The following DDX10 variants were observed in gnomAD, a reference collection of about 807,000 sequenced individuals.
DDX10 encodes the protein DEAD-box helicase 10.
DDX10 carries 74 observed loss-of-function variants against 104.3 expected under a neutral mutation model. That is an observed-to-expected ratio of 0.71 (90% confidence interval 0.59 to 0.86). DDX10 has a LOEUF of 0.86. Among genes scored for constraint, DDX10 ranks in the 40% least tolerant of loss-of-function variants. The probability of loss-of-function intolerance (pLI) is 0.00; values close to 1 mark genes in which losing one functional copy is unlikely to be tolerated. For synonymous variants in DDX10, 351 were observed against 353.4 expected (o/e 0.99, Z 0.08); for missense variants, 952 against 1,040.0 (o/e 0.92, Z 1.16).
At chr11:108,936,386 A>G (rs1470229865) in intron 17 of DDX10, among the ~76,000 whole-genome samples, 1 of 152,110 alleles carries the variant, frequency 6.6e-6, no homozygotes, top group Non-Finnish European at 1.5e-5. Flanking sequence ...TATGCTTCTG[A>G]GCCTTGTGGA....
rs989230349 is a variant in DDX10, at chr11:108,834,423, CAG to C, written c.1966-4021_1966-4020del. On this transcript the variant is annotated intron_variant, in intron 13 of 17. Transcript: ENST00000322536. ...TTGTTTATAGGACTCTTTTTTGAGACAGAAATTTATATACAATGAAATGCACA... is the reference window on the plus strand; with the variant it reads ...TTGTTTATAGGACTCTTTTTTGAGACAAATTTATATACAATGAAATGCACA... Among the ~76,000 whole-genome samples the C allele has an allele frequency of 5.9e-5, 9 of 152,024 alleles. No individual in the cohort carries two copies. In the South Asian group the frequency reaches 8.3e-4, roughly 14 times the overall value.
At chr11:108,691,283 T>G (rs1053383877) in intron 7 of DDX10, among the ~76,000 whole-genome samples, 2 of 152,210 alleles carry the variant, frequency 1.3e-5, no homozygotes, top group Non-Finnish European at 2.9e-5. Context: ...TCCTTTGAGT[T>G]TGTTTTATTT....
chr11:108,932,939 C>T (rs1378074219), intron 17 of DDX10, among the ~76,000 whole-genome samples: 3 of 151,996 alleles, frequency 2.0e-5, no homozygotes, highest in Non-Finnish European at 4.4e-5. Flanking sequence ...ACTGTTACTG[C>T]ATGTCTTATG....
Position 108,691,952 on chromosome 11 carries a change from A to T in DDX10, c.1052A>T (p.Gln351Leu). 6.2e-7 allele frequency: 1 copy of T among 1,614,196 alleles called. No homozygotes were observed. The highest frequency in any genetic ancestry group is 8.5e-7 in the Non-Finnish European group (1 of 1,180,026). The stretch of plus-strand genomic sequence containing the variant: ...CTTGCACTCCATGGTCGACAGCAGC[A>T]AATGAGAAGAATGGAAGTCTATAAT... ...SILALHGRQQ[Q>L]MRRMEVYNEF... The change falls in exon 8 of 18, where the codon CAA (glutamine) becomes CTA (leucine). Residue 351 changes from glutamine (Q) to leucine (L), a missense_variant. Gln to Leu is a moderately radical substitution (Grantham distance 113). This residue lies in a region of DDX10 where 412 missense variants were observed against 479.2 expected (regional missense o/e 0.86). Coordinates refer to ENST00000322536, the MANE Select transcript of DDX10 (RefSeq NM_004398.4).
At chr11:108,900,901 T>G (rs1863508743) in intron 16 of DDX10, among the ~76,000 whole-genome samples, 1 of 152,202 alleles carries the variant, frequency 6.6e-6, no homozygotes, top group South Asian at 2.1e-4. Context: ...CCTACACAGT[T>G]CATGTCTTGT....
At chr11:108,886,270 T>C (rs1863295297) in intron 16 of DDX10, among the ~76,000 whole-genome samples, 2 of 152,288 alleles carry the variant, frequency 1.3e-5, no homozygotes. Context: ...CTCAGAACTC[T>C]AAAAAGCAGG....
At chr11:108,735,709 TA>T (rs10646427) in intron 13 of DDX10, among the ~76,000 whole-genome samples, 313 of 149,138 alleles carry the variant, frequency 2.1e-3, no homozygotes, top group Non-Finnish European at 3.3e-3. Context: ...TCAAGAACAT[TA>T]AAAAAAAAAA....
intron 16 of DDX10, among the ~76,000 whole-genome samples, chr11:108,883,897 ACT>A (rs1863260445): frequency 6.6e-6 from 1 of 151,948 alleles, no homozygotes; most frequent in Admixed American, 6.6e-5. Context: ...CTCCCTGGGA[ACT>A]CTTTTTCCAT....
intron 13 of DDX10, among the ~76,000 whole-genome samples, chr11:108,826,540 T>C (rs866993588): frequency 2.6e-5 from 4 of 152,248 alleles, no homozygotes; most frequent in Middle Eastern, 3.2e-3. Flanking sequence ...AGAATTTTTA[T>C]GTCCATTCAG....
rs149190469 is a variant in DDX10 at position 108,839,059 on chromosome 11, C to T, written c.2085+494C>T. The stretch of plus-strand genomic sequence containing the variant: ...GGTGCCTTGTTTAAATTCACCTTTC[C>T]CTTAGCCGTATTGTAAATACATACC... On this transcript the variant is annotated intron_variant, in intron 14 of 17. Coordinates refer to ENST00000322536, the MANE Select transcript of DDX10 (RefSeq NM_004398.4). Among the ~76,000 whole-genome samples the T allele has an allele frequency of 5.1e-4, 78 of 152,296 alleles. 1 individual carries two copies. Among genetic ancestry groups the T allele is most frequent in the Middle Eastern group, 3.4e-3 (1 of 292 alleles).
intron 13 of DDX10, among the ~76,000 whole-genome samples, chr11:108,726,419 T>G (rs777420358): frequency 3.9e-5 from 6 of 152,114 alleles, no homozygotes; most frequent in Non-Finnish European, 7.4e-5. Flanking sequence ...GTGCACATAT[T>G]TTGTTAGAGT....
At chr11:108,876,284 A>G (rs1265284049) in intron 16 of DDX10, among the ~76,000 whole-genome samples, 2 of 152,254 alleles carry the variant, frequency 1.3e-5, no homozygotes, top group Admixed American at 6.5e-5. Context: ...ACCATGTTAT[A>G]TATGACATTT....
chr11:108,718,013 A>G (rs1222825193), intron 11 of DDX10, among the ~76,000 whole-genome samples: 1 of 152,108 alleles, frequency 6.6e-6, no homozygotes, highest in Non-Finnish European at 1.5e-5. Context: ...AATGACAAAA[A>G]AATTAGCTGG....
At chr11:108,753,480 A>G (rs569382253) in intron 13 of DDX10, among the ~76,000 whole-genome samples, 5 of 152,182 alleles carry the variant, frequency 3.3e-5, no homozygotes, top group Admixed American at 2.6e-4. Flanking sequence ...GATTAATGAA[A>G]CAAAAAATTT....
chr11:108,761,615 C>G (rs976737859), intron 13 of DDX10, among the ~76,000 whole-genome samples: 1 of 152,054 alleles, frequency 6.6e-6, no homozygotes, highest in Non-Finnish European at 1.5e-5. Flanking sequence ...GTGGGGATCA[C>G]TGTATTACAG....
At chr11:108,860,081 AG>A (rs1245433731) in intron 16 of DDX10, among the ~76,000 whole-genome samples, 1 of 152,180 alleles carries the variant, frequency 6.6e-6, no homozygotes, top group East Asian at 1.9e-4. Context: ...GAAGAAAAAG[AG>A]GCAGGGCTAG....
intron 16 of DDX10, among the ~76,000 whole-genome samples, chr11:108,895,246 C>T (rs1212546901): frequency 6.6e-6 from 1 of 151,786 alleles, no homozygotes; most frequent in Non-Finnish European, 1.5e-5. Flanking sequence ...TACATATCAT[C>T]ACTGAATAAG....
intron 16 of DDX10, among the ~76,000 whole-genome samples, chr11:108,908,600 C>A (rs1488363306): frequency 6.6e-6 from 1 of 152,158 alleles, no homozygotes; most frequent in Non-Finnish European, 1.5e-5. Context: ...CACTGATAAT[C>A]ACTGACAGCC....
At chr11:108,698,790 A>C (rs182088500) in intron 9 of DDX10, among the ~76,000 whole-genome samples, 16 of 152,320 alleles carry the variant, frequency 1.1e-4, no homozygotes, top group African/African-American at 3.8e-4. Flanking sequence ...CCTGGGCCTA[A>C]ACTATTCATC....
Sources: gnomAD v4.1 joint callset for allele counts (sites outside exome capture counted in the v4.1 genomes callset) on GRCh38, gnomAD v4.1.1 for gene constraint, gnomAD v4.1.1 regional missense constraint, MANE v1.5 for transcripts, NCBI Gene and HGNC (gene_info 2026-07-23, HGNC 2026-07-21) for gene names.